Variants in ZNF440 observed in about 807,000 individuals in gnomAD.
ZNF440 encodes the protein zinc finger protein 440.
A neutral mutation model predicts 49.7 loss-of-function variants in ZNF440; 47 were observed. That is an observed-to-expected ratio of 0.95 (90% CI 0.75 to 1.21). The LOEUF (loss-of-function observed/expected upper bound fraction) is 1.21, where lower values mean the gene tolerates loss of function less well. Among genes scored for constraint, ZNF440 ranks in the 50% most tolerant of loss-of-function variants. ZNF440 has a pLI of 0.00. For synonymous variants in ZNF440, 255 were observed against 237.7 expected (o/e 1.07, Z -0.67); for missense variants, 703 against 715.0 (o/e 0.98, Z 0.19).
rs768653940 is a variant in ZNF440 at position 11,814,461 on chromosome 19, G to C, written c.3+11G>C. On this transcript the variant is annotated intron_variant, in intron 1 of 3. Transcript: ENST00000304060. ...GGAAGCCGAGAAATGGTGTGTGTGA[G>C]GGGGCTGGCGTCCGGGCGACTGGGA... The C allele has an allele frequency of 7.9e-6, 12 of 1,527,684 alleles. No homozygotes were observed. Among genetic ancestry groups the C allele is most frequent in the Non-Finnish European group, 9.7e-6 (11 of 1,138,652 alleles). The allele number at this position is 1,527,684 out of a possible 1,614,324, so 94.6% of individuals were successfully genotyped here. A position where few individuals can be genotyped will look rare whatever the true frequency, so the allele number is the denominator to read the frequency against.
At chr19:11,815,861 T>G (rs1295654939) in intron 1 of ZNF440, 1 of 152,162 alleles carries the variant, frequency 6.6e-6, no homozygotes, top group Non-Finnish European at 1.5e-5. Flanking sequence ...CAAGACGGCG[T>G]CACTCCAGCC....
intron 1 of ZNF440, among the ~76,000 whole-genome samples, chr19:11,818,547 AATT>A (rs973942751): frequency 3.4e-5 from 5 of 145,986 alleles, no homozygotes; most frequent in Non-Finnish European, 6.0e-5. Context: ...ACAACAATTT[AATT>A]ATTATTATTA....
intron 1 of ZNF440, chr19:11,815,830 G>GT (rs1975726675): frequency 6.6e-6 from 1 of 152,250 alleles, no homozygotes; most frequent in Admixed American, 6.5e-5. Flanking sequence ...TTGAACCCAG[G>GT]AGGCGGCGGT....
intron 1 of ZNF440, among the ~76,000 whole-genome samples, chr19:11,826,975 C>T (rs1251656537): frequency 2.0e-5 from 3 of 151,530 alleles, no homozygotes; most frequent in Admixed American, 6.6e-5. Flanking sequence ...TTTTCATTTG[C>T]TCTTTAATAA....
At chr19:11,830,580 C>G in intron 2 of ZNF440, 37 bp from the exon 3 acceptor site, 1 of 1,606,522 alleles carries the variant, frequency 6.2e-7, no homozygotes, top group Non-Finnish European at 8.5e-7. Context: ...CAATTTTATA[C>G]TGCCTCAGGA....
rs1265487738 is a variant in ZNF440, at chr19:11,831,687, C to A, written c.511C>A (p.Pro171Thr). The change falls in exon 4 of 4, where the codon CCC becomes ACC. Residue 171 changes from proline (P) to threonine (T), a missense_variant. Transcript: ENST00000304060. ...TQERDHTGEK[P>T]NACKVCGKTF... ...AGAAAGGGATCACACTGGAGAGAAA[C>A]CCAATGCTTGTAAAGTATGTGGAAA... 6.2e-7 allele frequency: 1 copy of A among 1,613,994 alleles called. No individual in the cohort carries two copies. Among genetic ancestry groups the A allele is most frequent in the African/African-American group, 1.3e-5 (1 of 74,910 alleles).
intron 1 of ZNF440, among the ~76,000 whole-genome samples, chr19:11,821,789 A>C (rs891699685): frequency 6.6e-6 from 1 of 152,188 alleles, no homozygotes; most frequent in African/African-American, 2.4e-5. Context: ...GTTTCAAATT[A>C]ACTTTACATT....
Position 11,831,818 on chromosome 19 carries a change from A to T in ZNF440, c.642A>T (p.Leu214Phe). The change falls in exon 4 of 4, where the codon TTA becomes TTT. Residue 214 changes from leucine to phenylalanine, a missense_variant. Transcript: ENST00000304060. ...FCGKAFHCLR[L>F]YLIHERIHTG... is the part of the protein sequence containing the mutation. ...GGAAAGCATTCCATTGTCTCAGATT[A>T]TATCTTATCCATGAAAGAATTCACA... The T allele has an allele frequency of 6.2e-7, 1 of 1,609,330 alleles. No individual in the cohort carries two copies. Among genetic ancestry groups the T allele is most frequent in the Non-Finnish European group, 8.5e-7 (1 of 1,176,468 alleles).
At position 11,831,635 on chromosome 19, in the gene ZNF440, C is replaced by T. The variant is rs763820178; in HGVS notation, c.459C>T (p.Phe153=). 1.2e-6 allele frequency: 2 copies of T among 1,614,192 alleles called. No homozygotes were observed. Among genetic ancestry groups the T allele is most frequent in the Non-Finnish European group, 1.7e-6 (2 of 1,180,030 alleles). Residue 153 remains phenylalanine, a synonymous_variant, in exon 4 of 4, where the codon TTC becomes TTT. Transcript: ENST00000304060. ...PCKCQQPKKA[F]RYRPSFRTQE... Reference sequence around the variant, plus strand: ...AGTGTCAACAACCTAAAAAAGCCTTCAGATACCGCCCCTCCTTTAGAACAC... The same window carrying T: ...AGTGTCAACAACCTAAAAAAGCCTTTAGATACCGCCCCTCCTTTAGAACAC...
Position 11,833,378 on chromosome 19 carries a change from G to T in ZNF440, c.*414G>T, listed in dbSNP as rs541302419. 22 of 454,142 alleles carry T rather than the reference G, an allele frequency of 4.8e-5. No homozygotes were observed. Among genetic ancestry groups the T allele is most frequent in the Non-Finnish European group, 8.9e-5 (21 of 236,952 alleles). The allele number at this position is 454,142 out of a possible 1,614,324, so 28.1% of individuals were successfully genotyped here. A position where few individuals can be genotyped will look rare whatever the true frequency, so the allele number is the denominator to read the frequency against. On this transcript the variant is annotated 3_prime_UTR_variant, in exon 4 of 4. Coordinates refer to ENST00000304060, the MANE Select transcript of ZNF440 (RefSeq NM_152357.3). ...ATCTGCCAAGATCCTTTGAATACAT[G>T]CAAGAACACACAATGGAGAGAAACC...
At chr19:11,827,666 T>G (rs1322297623) in intron 1 of ZNF440, 1 of 152,250 alleles carries the variant, frequency 6.6e-6, no homozygotes, top group Non-Finnish European at 1.5e-5. Context: ...TCCATATAAG[T>G]AAACGATTCA....
chr19:11,821,148 A>C (rs1050233684), intron 1 of ZNF440, among the ~76,000 whole-genome samples: 2 of 152,196 alleles, frequency 1.3e-5, no homozygotes, highest in Non-Finnish European at 2.9e-5. Context: ...TTATGTCTTC[A>C]GCGCACTCTC....
At chr19:11,818,820 G>A (rs955094534) in intron 1 of ZNF440, among the ~76,000 whole-genome samples, 2 of 152,284 alleles carry the variant, frequency 1.3e-5, no homozygotes, top group Admixed American at 6.5e-5. Context: ...GATTACAGGC[G>A]TGAGCCACTG....
At chr19:11,818,644 G>A (rs546322207) in intron 1 of ZNF440, among the ~76,000 whole-genome samples, 10 of 152,050 alleles carry the variant, frequency 6.6e-5, no homozygotes, top group South Asian at 2.1e-4. Context: ...TGACCTCCCC[G>A]GCTCAAGCAC....
At position 11,830,314 on chromosome 19, in the gene ZNF440, A is replaced by T; in HGVS notation, c.35A>T (p.Asn12Ile). 6.2e-7 allele frequency: 1 copy of T among 1,614,164 alleles called. No homozygotes were observed. The highest frequency in any genetic ancestry group is 8.5e-7 in the Non-Finnish European group (1 of 1,180,026). Reference sequence around the variant, plus strand: ...GTGGCTTTTAAGGATGTGGCTGTGAACTTCACCCAGGAGGAGTGGGCTTTG... The same window carrying T: ...GTGGCTTTTAAGGATGTGGCTGTGATCTTCACCCAGGAGGAGTGGGCTTTG... ...DPVAFKDVAV[N>I]FTQEEWALLD... The change falls in exon 2 of 4, where the codon AAC becomes ATC. Residue 12 changes from asparagine (N) to isoleucine (I), a missense_variant. Asn to Ile is a moderately radical substitution (Grantham distance 149). Coordinates refer to ENST00000304060, the MANE Select transcript of ZNF440 (RefSeq NM_152357.3).
chr19:11,823,246 T>G (rs1975821028), intron 1 of ZNF440, among the ~76,000 whole-genome samples: 1 of 152,174 alleles, frequency 6.6e-6, no homozygotes, highest in African/African-American at 2.4e-5. Context: ...ACTCTTATGC[T>G]GTCATCTAAT....
chr19:11,822,618 C>T (rs1002904669), intron 1 of ZNF440, among the ~76,000 whole-genome samples: 6 of 152,004 alleles, frequency 3.9e-5, no homozygotes, highest in East Asian at 1.9e-4. Context: ...GAGGCTGAGG[C>T]GGGTGGAACA....
chr19:11,830,747 T>C, intron 3 of ZNF440, 70 bp downstream of exon 3: 1 of 1,524,376 alleles, frequency 6.6e-7, no homozygotes, highest in Non-Finnish European at 8.9e-7. Flanking sequence ...ATATTAAAAA[T>C]AAGTAAAACA....
At chr19:11,820,760 T>C (rs573110144) in intron 1 of ZNF440, among the ~76,000 whole-genome samples, 91 of 152,262 alleles carry the variant, frequency 6.0e-4, no homozygotes, top group African/African-American at 1.9e-3. Context: ...TTTCCATTCA[T>C]TGGAGACACA....
Sources: allele counts gnomAD v4.1 joint callset (sites outside exome capture counted in the v4.1 genomes callset), GRCh38; gene constraint gnomAD v4.1.1; transcripts MANE v1.5; gene names NCBI Gene and HGNC (gene_info 2026-07-23, HGNC 2026-07-21).